Variants in COXFA4 observed in about 807,000 individuals in gnomAD.
COXFA4 encodes the protein cytochrome c oxidase associated subunit FA4, also known as cytochrome c oxidase subunit FA4.
At chr7:10,932,011 T>C in the COXFA4 span, 1 of 151,664 alleles carries the variant, frequency 6.6e-6, no homozygotes, top group Non-Finnish European at 1.5e-5. Flanking sequence ...ACACACTGTT[T>C]GTTTACACAA....
the COXFA4 span, chr7:10,939,820 A>T: frequency 4.3e-5 from 30 of 705,744 alleles, no homozygotes; most frequent in Non-Finnish European, 1.8e-5. Flanking sequence ...CTCCTGTCAG[A>T]CAAAACCCCA....
At chr7:10,935,287 TTC>T in the COXFA4 span, among the ~76,000 whole-genome samples, 1 of 152,208 alleles carries the variant, frequency 6.6e-6, no homozygotes, top group African/African-American at 2.4e-5. Context: ...TCTATTCTTT[TTC>T]TCAGTTTAAT....
chr7:10,937,025 G>A, the COXFA4 span, among the ~76,000 whole-genome samples: 1 of 152,036 alleles, frequency 6.6e-6, no homozygotes, highest in African/African-American at 2.4e-5. Flanking sequence ...GACAGAGTGA[G>A]ACTCTGTCTC....
the COXFA4 span, chr7:10,932,851 G>C: frequency 2.6e-5 from 4 of 151,798 alleles, no homozygotes; most frequent in African/African-American, 9.7e-5. Context: ...CATACCTGTA[G>C]TCCCGGCTAC....
chr7:10,938,576 A>G, the COXFA4 span: 2 of 476,084 alleles, frequency 4.2e-6, no homozygotes, highest in African/African-American at 3.9e-5. Context: ...ACATTACAAG[A>G]TTTGGTATTA....
the COXFA4 span, among the ~76,000 whole-genome samples, chr7:10,936,810 G>A: frequency 6.6e-6 from 1 of 152,092 alleles, no homozygotes; most frequent in African/African-American, 2.4e-5. Flanking sequence ...TGAGACAGAC[G>A]GATCAACTTG....
At chr7:10,935,880 T>C in the COXFA4 span, among the ~76,000 whole-genome samples, 42 of 152,222 alleles carry the variant, frequency 2.8e-4, no homozygotes, top group East Asian at 7.7e-4. Flanking sequence ...TGTATGCTGA[T>C]TGCTCCATAT....
the COXFA4 span, chr7:10,932,008 G>A: frequency 5.9e-5 from 9 of 151,660 alleles, no homozygotes; most frequent in African/African-American, 2.2e-4. Context: ...ATGACACACT[G>A]TTTGTTTACA....
the COXFA4 span, among the ~76,000 whole-genome samples, chr7:10,937,187 A>G: frequency 2.6e-5 from 4 of 152,134 alleles, no homozygotes; most frequent in African/African-American, 4.8e-5. Context: ...AAATGGCTTG[A>G]TATTATGGAA....
chr7:10,935,432 G>A, the COXFA4 span, among the ~76,000 whole-genome samples: 4 of 152,094 alleles, frequency 2.6e-5, no homozygotes, highest in African/African-American at 7.2e-5. Context: ...TCTTATTTTG[G>A]TCCTGTCTCT....
the COXFA4 span, among the ~76,000 whole-genome samples, chr7:10,937,041 A>G: frequency 8.5e-5 from 13 of 152,234 alleles, no homozygotes; most frequent in African/African-American, 3.1e-4. Context: ...GTCTCCAACA[A>G]CAACAACAAA....
At chr7:10,936,860 ACCCC>A in the COXFA4 span, among the ~76,000 whole-genome samples, 2 of 151,988 alleles carry the variant, frequency 1.3e-5, no homozygotes, top group Non-Finnish European at 2.9e-5. Flanking sequence ...ACACGGCAAA[ACCCC>A]ATCTCTACTA....
At chr7:10,933,604 T>A in the COXFA4 span, 1 of 1,582,880 alleles carries the variant, frequency 6.3e-7, no homozygotes, top group Non-Finnish European at 8.6e-7. Context: ...AAGACCTTCA[T>A]TCTAAAGCAG....
chr7:10,937,003 T>A, the COXFA4 span, among the ~76,000 whole-genome samples: 1 of 151,976 alleles, frequency 6.6e-6, no homozygotes, highest in Non-Finnish European at 1.5e-5. Flanking sequence ...GGCACTGCAC[T>A]CCAGCCTGGG....
At chr7:10,938,706 T>C in the COXFA4 span, 5 of 838,726 alleles carry the variant, frequency 6.0e-6, no homozygotes, top group African/African-American at 3.3e-5. Flanking sequence ...ACTGTAAATG[T>C]AACATTCTTT....
the COXFA4 span, among the ~76,000 whole-genome samples, chr7:10,934,860 T>A: frequency 3.3e-5 from 5 of 152,310 alleles, no homozygotes; most frequent in Admixed American, 3.3e-4. Context: ...TCTGACAGTG[T>A]TCTTTTAAGA....
chr7:10,938,751 T>C, the COXFA4 span: 2 of 1,234,872 alleles, frequency 1.6e-6, no homozygotes, highest in South Asian at 2.4e-5. Flanking sequence ...ACAGAGACTG[T>C]GGCTCCTAAA....
the COXFA4 span, among the ~76,000 whole-genome samples, chr7:10,935,634 G>A: frequency 1.8e-3 from 271 of 152,278 alleles, 2 homozygotes; most frequent in Admixed American, 4.2e-3. Flanking sequence ...TGCCTTTACA[G>A]GAGGGCTCAC....
chr7:10,933,471 T>C, the COXFA4 span: 1 of 570,920 alleles, frequency 1.8e-6, no homozygotes, highest in African/African-American at 1.9e-5. Flanking sequence ...TTTCAGTTAT[T>C]TATTGATTTA....
Sources: gnomAD v4.1 joint callset for allele counts (sites outside exome capture counted in the v4.1 genomes callset) on GRCh38, gnomAD v4.1.1 for gene constraint, MANE v1.5 for transcripts, NCBI Gene and HGNC (gene_info 2026-07-23, HGNC 2026-07-21) for gene names.